The following ATG5 variants were observed in gnomAD, a reference collection of about 807,000 sequenced individuals.
ATG5 encodes autophagy related 5.
A neutral mutation model predicts 36.5 loss-of-function variants in ATG5; 14 were observed. That is an observed-to-expected ratio of 0.38 (90% confidence interval 0.25 to 0.60). The LOEUF (loss-of-function observed/expected upper bound fraction) is 0.60. Among genes scored for constraint, ATG5 ranks in the 20% least tolerant of loss-of-function variants. ATG5 has a pLI of 0.60. For synonymous variants in ATG5, 95 were observed against 101.5 expected (o/e 0.94, Z 0.38); for missense variants, 195 against 326.7 (o/e 0.60, Z 3.11).
intron 1 of ATG5, among the ~76,000 whole-genome samples, chr6:106,320,619 T>A (rs1771028064): frequency 7.6e-6 from 1 of 132,098 alleles, no homozygotes. Context: ...GTCAAAAGGC[T>A]GTTCTGAAAA....
At chr6:106,192,263 AC>A (rs1191822872) in intron 7 of ATG5, among the ~76,000 whole-genome samples, 1 of 151,880 alleles carries the variant, frequency 6.6e-6, no homozygotes, top group Non-Finnish European at 1.5e-5. Context: ...AAAAAAAAAA[AC>A]CTTTCAAAAT....
In ATG5 at chr6:106,185,779, A is replaced by C. The variant is rs556475728; in HGVS notation, c.*761T>G. The C allele has an allele frequency of 1.3e-5, 2 of 152,508 alleles. No homozygotes were observed. Among genetic ancestry groups the C allele is most frequent in the East Asian group, 3.8e-4 (2 of 5,332 alleles). The allele number at this position is 152,508 out of a possible 1,614,324, so 9.4% of individuals were successfully genotyped here. A position where few individuals can be genotyped will look rare whatever the true frequency, so the allele number is the denominator to read the frequency against. Reference sequence around the variant, plus strand: ...TTAATTGGCAGCAAGAAATTCTATGACAGCTTCTGAGACAAGTAATCCTAT... The same window carrying C: ...TTAATTGGCAGCAAGAAATTCTATGCCAGCTTCTGAGACAAGTAATCCTAT... On this transcript the variant is annotated 3_prime_UTR_variant, in exon 8 of 8. Transcript: ENST00000369076.
rs1776446647 is a variant in ATG5 at position 106,201,972 on chromosome 6, C to T, written c.691G>A (p.Asp231Asn). ...GTTTTAATGTTGCTGATTGTATTACCTTCAGGATCAATAGCAGAAGGACAA... is the reference window on the plus strand; with the variant it reads ...GTTTTAATGTTGCTGATTGTATTACTTTCAGGATCAATAGCAGAAGGACAA... ...EVCPSAIDPEDGEKKNQVMIH... is the reference protein window; with the variant it reads ...EVCPSAIDPENGEKKNQVMIH... Residue 231 changes from aspartate (D) to asparagine (N), a missense_variant and splice_region_variant, in exon 7 of 8, where the codon GAT (aspartate) becomes AAT (asparagine). Transcript: ENST00000369076. The T allele has an allele frequency of 6.2e-7, 1 of 1,601,030 alleles. No homozygotes were observed. The highest frequency in any genetic ancestry group is 8.5e-7 in the Non-Finnish European group (1 of 1,170,166).
At chr6:106,290,196 TTATTTTATTTTATTTTATTTATTTTATA>T (rs1406930779) in intron 4 of ATG5, among the ~76,000 whole-genome samples, 3 of 148,522 alleles carry the variant, frequency 2.0e-5, no homozygotes, top group Admixed American at 2.0e-4. Context: ...TTGGCTTATT[TTATTTTATTTTATTTTATTTATTTTATA>T]TATTTTATTT....
intron 6 of ATG5, among the ~76,000 whole-genome samples, chr6:106,212,430 C>G (rs1776887923): frequency 6.6e-6 from 1 of 152,186 alleles, no homozygotes; most frequent in Non-Finnish European, 1.5e-5. Context: ...CACCTGAGGT[C>G]AGGAGTTCGA....
intron 1 of ATG5, among the ~76,000 whole-genome samples, chr6:106,317,820 A>G (rs1476147082): frequency 6.6e-6 from 1 of 152,230 alleles, no homozygotes; most frequent in East Asian, 1.9e-4. Flanking sequence ...TCCTGATTAC[A>G]TTAATAGCTT....
intron 3 of ATG5, among the ~76,000 whole-genome samples, chr6:106,296,406 A>C (rs1769935106): frequency 6.6e-6 from 1 of 152,224 alleles, no homozygotes; most frequent in African/African-American, 2.4e-5. Flanking sequence ...TAAGACACTA[A>C]AACAGTAAGA....
intron 4 of ATG5, among the ~76,000 whole-genome samples, chr6:106,290,244 AT>A (rs980184060): frequency 2.3e-4 from 32 of 139,032 alleles, no homozygotes; most frequent in African/African-American, 8.5e-4. Flanking sequence ...TTATTTATCT[AT>A]TTTATTTTAT....
chr6:106,279,290 C>A (rs1779783546), intron 5 of ATG5, among the ~76,000 whole-genome samples: 1 of 152,180 alleles, frequency 6.6e-6, no homozygotes, highest in Non-Finnish European at 1.5e-5. Context: ...AGTTCAATCC[C>A]CACACGTGGA....
chr6:106,238,076 T>G (rs1454404517), intron 6 of ATG5, among the ~76,000 whole-genome samples: 27 of 152,256 alleles, frequency 1.8e-4, no homozygotes, highest in Admixed American at 1.8e-3. Context: ...TTATATTTAC[T>G]TGAATCAGAA....
intron 2 of ATG5, among the ~76,000 whole-genome samples, chr6:106,313,988 A>C (rs1321337183): frequency 6.6e-6 from 1 of 152,234 alleles, no homozygotes; most frequent in African/African-American, 2.4e-5. Context: ...TCAAAAACAC[A>C]AATCATGACT....
At chr6:106,288,065 G>A (rs1291078207) in intron 4 of ATG5, among the ~76,000 whole-genome samples, 1 of 151,672 alleles carries the variant, frequency 6.6e-6, no homozygotes, top group Admixed American at 6.6e-5. Flanking sequence ...CCGCCCCCCA[G>A]GTTCAAGCGA....
At chr6:106,286,259 G>A (rs1414765029) in intron 4 of ATG5, among the ~76,000 whole-genome samples, 1 of 152,124 alleles carries the variant, frequency 6.6e-6, no homozygotes, top group Non-Finnish European at 1.5e-5. Context: ...TCTTTGCTCT[G>A]CTTGAGCTCC....
chr6:106,224,431 G>A (rs1009764805), intron 6 of ATG5, among the ~76,000 whole-genome samples: 5 of 152,192 alleles, frequency 3.3e-5, no homozygotes, highest in Non-Finnish European at 7.3e-5. Flanking sequence ...GATCAAAAGA[G>A]TTATTCCAAA....
At chr6:106,209,593 C>T (rs777598324) in intron 6 of ATG5, among the ~76,000 whole-genome samples, 2 of 152,052 alleles carry the variant, frequency 1.3e-5, no homozygotes, top group Non-Finnish European at 2.9e-5. Flanking sequence ...TCTGTTGAAA[C>T]GGGTATATTT....
At chr6:106,213,824 A>G (rs1279310624) in intron 6 of ATG5, among the ~76,000 whole-genome samples, 2 of 152,238 alleles carry the variant, frequency 1.3e-5, no homozygotes, top group African/African-American at 4.8e-5. Context: ...TGATAATTAA[A>G]TGAGATATAT....
chr6:106,241,339 AAAT>A (rs1484372645), intron 6 of ATG5, among the ~76,000 whole-genome samples: 1 of 152,260 alleles, frequency 6.6e-6, no homozygotes, highest in African/African-American at 2.4e-5. Flanking sequence ...GAAGAACAGA[AAAT>A]AATAAATATT....
In ATG5 at chr6:106,219,013, A is replaced by C. The variant is rs892788183; in HGVS notation, c.574-16924T>G. ...GGAGAAAAATGTAAAGAAAAAAAGG[A>C]AGAAGGAAAGAAAAGAGAAAAGGAG... On this transcript the variant is annotated intron_variant, in intron 6 of 7. Coordinates refer to ENST00000369076, the MANE Select transcript of ATG5 (RefSeq NM_004849.4). Among the ~76,000 whole-genome samples, 3 of 152,138 alleles carry C rather than the reference A, an allele frequency of 2.0e-5. No homozygotes were observed. In the South Asian group the frequency reaches 6.2e-4, roughly 31 times the overall value.
intron 3 of ATG5, among the ~76,000 whole-genome samples, chr6:106,297,693 C>CTA: frequency 6.7e-6 from 1 of 149,840 alleles, no homozygotes; most frequent in African/African-American, 2.5e-5. Context: ...TCTAAATTCT[C>CTA]TAAATTATTT....
Sources: allele counts gnomAD v4.1 joint callset (sites outside exome capture counted in the v4.1 genomes callset), GRCh38; gene constraint gnomAD v4.1.1; transcripts MANE v1.5; gene names NCBI Gene and HGNC (gene_info 2026-07-23, HGNC 2026-07-21).